The following TAF4 variants were observed in gnomAD, a reference collection of about 807,000 sequenced individuals.
TAF4 encodes TATA-box binding protein associated factor 4.
TAF4 carries 9 observed loss-of-function variants against 90.3 expected under a neutral mutation model. The observed-to-expected ratio is 0.10, with a 90% confidence interval of 0.06 to 0.17. The LOEUF is 0.17. TAF4 is among the 10% of genes least tolerant of loss of function. The pLI is 1.00. For missense variants in TAF4, 1,351 were observed against 1,370.7 expected (o/e 0.99, Z 0.23); for synonymous variants, 818 against 638.9 (o/e 1.28, Z -4.23).
intron 14 of TAF4, among the ~76,000 whole-genome samples, chr20:61,989,028 A>G (rs1273790227): frequency 6.6e-6 from 1 of 152,196 alleles, no homozygotes; most frequent in Admixed American, 6.5e-5. Context: ...AATACACTGA[A>G]TGATGGGAAC....
In TAF4 at chr20:62,024,664, T is replaced by C. The variant is rs147366233; in HGVS notation, c.1361-9957A>G. ...AGGACAGATCACTTGAGGTCAGGAG[T>C]TCGAGACCAGCTTGGCCAACATGGC... On this transcript the variant is annotated intron_variant, in intron 1 of 14. Coordinates refer to ENST00000252996, the MANE Select transcript of TAF4 (RefSeq NM_003185.4). 9.2e-3 allele frequency among the ~76,000 whole-genome samples: 1,396 copies of C among 151,530 alleles called. 71 individuals carry two copies. The highest frequency in any genetic ancestry group is 0.068 in the Admixed American group (1,029 of 15,236).
At chr20:62,002,112 C>G (rs1473874904) in intron 9 of TAF4, among the ~76,000 whole-genome samples, 1 of 152,214 alleles carries the variant, frequency 6.6e-6, no homozygotes, top group Non-Finnish European at 1.5e-5. Flanking sequence ...GACTCCTTGA[C>G]AGCAAAATAC....
chr20:62,050,184 T>C (rs1333615995), intron 1 of TAF4, among the ~76,000 whole-genome samples: 1 of 152,098 alleles, frequency 6.6e-6, no homozygotes. Flanking sequence ...ACCAGAAGGT[T>C]CTGCACAGCA....
chr20:62,025,075 C>G (rs1474955535), intron 1 of TAF4, among the ~76,000 whole-genome samples: 4 of 152,182 alleles, frequency 2.6e-5, no homozygotes, highest in Non-Finnish European at 4.4e-5. Context: ...AACCAGAGCT[C>G]CTGGGCACCA....
intron 14 of TAF4, among the ~76,000 whole-genome samples, chr20:61,977,667 G>A (rs948534706): frequency 1.3e-5 from 2 of 152,208 alleles, no homozygotes; most frequent in Non-Finnish European, 2.9e-5. Context: ...CCTGCGCTGT[G>A]AGGGCCCTTC....
intron 1 of TAF4, among the ~76,000 whole-genome samples, chr20:62,049,401 C>T (rs902590514): frequency 4.6e-5 from 7 of 152,096 alleles, no homozygotes; most frequent in Non-Finnish European, 1.0e-4. Flanking sequence ...CCCACTTCTG[C>T]GTCCCCTGCT....
rs188434975 is a variant in TAF4 at position 62,051,163 on chromosome 20, G to A, written c.1360+13288C>T. ...CAGGGTGCAGGGCAGCCCCGCAGGC[G>A]CTGGGGCTGAGGAGCAAGAAGGGAC... On this transcript the variant is annotated intron_variant, in intron 1 of 14. Coordinates refer to ENST00000252996, the MANE Select transcript of TAF4 (RefSeq NM_003185.4). Among the ~76,000 whole-genome samples, 135 of 152,290 alleles carry A rather than the reference G, an allele frequency of 8.9e-4. 2 individuals carry two copies. The highest frequency in any genetic ancestry group is 1.5e-3 in the Non-Finnish European group (104 of 68,012).
chr20:62,040,287 G>A (rs566319983), intron 1 of TAF4, among the ~76,000 whole-genome samples: 4 of 152,354 alleles, frequency 2.6e-5, no homozygotes, highest in Admixed American at 6.5e-5. Context: ...GCTCAGCAAC[G>A]CAAAGGAACC....
intron 1 of TAF4, among the ~76,000 whole-genome samples, chr20:62,051,049 T>TA (rs1484245392): frequency 6.6e-6 from 1 of 152,162 alleles, no homozygotes; most frequent in Non-Finnish European, 1.5e-5. Context: ...CTCGAAAAGT[T>TA]ACAAGGAGGT....
intron 2 of TAF4, among the ~76,000 whole-genome samples, chr20:62,013,143 A>G (rs891425612): frequency 2.0e-5 from 3 of 152,236 alleles, no homozygotes; most frequent in Admixed American, 6.5e-5. Flanking sequence ...TACAATAAAC[A>G]TATCATTAGG....
chr20:62,057,009 G>A (rs1228114572), intron 1 of TAF4, among the ~76,000 whole-genome samples: 2 of 152,178 alleles, frequency 1.3e-5, no homozygotes, highest in Admixed American at 6.5e-5. Context: ...TCTGAGCACC[G>A]TGCGTGGCTC....
chr20:61,982,946 G>A (rs927895605), intron 14 of TAF4, among the ~76,000 whole-genome samples: 4 of 142,402 alleles, frequency 2.8e-5, no homozygotes, highest in Admixed American at 1.4e-4. Context: ...CAGCCAAGCC[G>A]CCTCCGGTCA....
intron 1 of TAF4, chr20:62,037,317 C>T (rs2386555): frequency 0.69 from 105,401 of 152,160 alleles, 36,679 homozygotes; most frequent in Middle Eastern, 0.78. Context: ...GAAAAAAAGA[C>T]ATGAACCACT....
intron 1 of TAF4, among the ~76,000 whole-genome samples, chr20:62,053,363 T>C (rs1021113095): frequency 2.0e-5 from 3 of 152,180 alleles, no homozygotes; most frequent in African/African-American, 7.2e-5. Flanking sequence ...CGCACTGCCC[T>C]GTGACGAGCT....
At chr20:62,003,114 T>G (rs776792790) in intron 9 of TAF4, 46 bp downstream of exon 9, 2 of 1,546,464 alleles carry the variant, frequency 1.3e-6, no homozygotes, top group Admixed American at 1.7e-5. Flanking sequence ...TGGACTCTTC[T>G]CCGCTCTGGC....
Position 62,064,573 on chromosome 20 carries a change from G to A in TAF4, c.1238C>T (p.Ser413Phe), listed in dbSNP as rs866620165. Residue 413 changes from serine to phenylalanine, a missense_variant, in exon 1 of 15, where the codon TCC (serine) becomes TTC (phenylalanine). Physicochemically the swap from Ser to Phe is radical, Grantham distance 155. Coordinates refer to ENST00000252996, the MANE Select transcript of TAF4 (RefSeq NM_003185.4). ...GAAGAVTQSL[S>F]RTPTATTSGI... is the part of the protein sequence containing the mutation. ...GCTGGTGGTGGCCGTGGGCGTCCGG[G>A]ACAGGCTCTGGGTCACTGCGCCGGC... 1.3e-6 allele frequency: 2 copies of A among 1,512,942 alleles called. No homozygotes were observed. The highest frequency in any genetic ancestry group is 1.4e-5 in the African/African-American group (1 of 70,690). The allele number at this position is 1,512,942 out of a possible 1,614,324, so 93.7% of individuals were successfully genotyped here.
At chr20:62,015,278 A>C (rs901208449) in intron 1 of TAF4, among the ~76,000 whole-genome samples, 2 of 152,240 alleles carry the variant, frequency 1.3e-5, no homozygotes, top group Non-Finnish European at 2.9e-5. Flanking sequence ...ACAGGCGCAG[A>C]TGCGACGCAA....
At chr20:62,034,590 A>G (rs2055921942) in intron 1 of TAF4, among the ~76,000 whole-genome samples, 1 of 152,050 alleles carries the variant, frequency 6.6e-6, no homozygotes, top group South Asian at 2.1e-4. Context: ...TCAGCCTCCC[A>G]AAGTGCTGAG....
chr20:62,037,090 T>C (rs945652996), intron 1 of TAF4, among the ~76,000 whole-genome samples: 1 of 152,236 alleles, frequency 6.6e-6, no homozygotes, highest in Non-Finnish European at 1.5e-5. Context: ...GCAGCCAGAA[T>C]GGCCTATGAC....
Sources: allele counts gnomAD v4.1 joint callset (sites outside exome capture counted in the v4.1 genomes callset), GRCh38; gene constraint gnomAD v4.1.1; transcripts MANE v1.5; gene names NCBI Gene and HGNC (gene_info 2026-07-23, HGNC 2026-07-21).